IPO5: variants seen among roughly 807,000 people sequenced by gnomAD.
IPO5 encodes importin 5.
In IPO5, 18 loss-of-function variants were observed where a neutral mutation model predicts 143.3. That is an observed-to-expected ratio of 0.13 (90% CI 0.09 to 0.19). The LOEUF is 0.19. IPO5 is among the 10% of genes least tolerant of loss of function. IPO5 has a pLI of 1.00. For synonymous variants in IPO5, 477 were observed against 465.7 expected, an observed-to-expected ratio of 1.02 and a Z score of -0.31; for missense variants, 1,013 against 1,336.9, an observed-to-expected ratio of 0.76 and a Z score of 3.78.
intron 25 of IPO5, among the ~76,000 whole-genome samples, chr13:98,017,826 T>G (rs948018006): frequency 6.6e-6 from 1 of 151,674 alleles, no homozygotes; most frequent in Non-Finnish European, 1.5e-5. Flanking sequence ...GTATTTTTAG[T>G]TGTGTTTTTT....
intron 25 of IPO5, among the ~76,000 whole-genome samples, chr13:98,017,289 A>G (rs908891306): frequency 6.6e-6 from 1 of 150,688 alleles, no homozygotes; most frequent in African/African-American, 2.4e-5. Context: ...TCACCCTTAT[A>G]TTTGATTTTT....
Position 98,002,674 on chromosome 13 carries a change from C to T in IPO5, c.1234-10C>T, listed in dbSNP as rs778938920. ...TCTTGCTTTTACTAATGAAAGGGAA[C>T]ATTTTCCAGCATCCAAGAGTAAGGT... is the stretch of plus-strand genomic sequence containing the variant. On this transcript the variant is annotated splice_polypyrimidine_tract_variant and intron_variant, in intron 14 of 28. Transcript: ENST00000651721. 3.7e-6 allele frequency: 6 copies of T among 1,606,944 alleles called. No individual in the cohort carries two copies. In the Middle Eastern group the frequency reaches 5.0e-4, roughly 134 times the overall value.
At chr13:98,004,403 C>CGAAGGCAGACCGAGGTGGACCCAAGTT (rs1889046516) in intron 16 of IPO5, among the ~76,000 whole-genome samples, 1 of 152,100 alleles carries the variant, frequency 6.6e-6, no homozygotes, top group Non-Finnish European at 1.5e-5. Flanking sequence ...TTCGTGTGCC[C>CGAAGGCAGACCGAGGTGGACCCAAGTT]GAAGGCAGAC....
chr13:97,961,136 A>AT (rs553599673), intron 2 of IPO5, among the ~76,000 whole-genome samples: 34 of 152,326 alleles, frequency 2.2e-4, no homozygotes, highest in African/African-American at 8.2e-4. Context: ...AGGTTCACTC[A>AT]TGTTGTTACA....
intron 3 of IPO5, among the ~76,000 whole-genome samples, chr13:97,970,569 T>C (rs1213109856): frequency 6.6e-6 from 1 of 151,878 alleles, no homozygotes; most frequent in Non-Finnish European, 1.5e-5. Flanking sequence ...TGCAGTGAGC[T>C]GAAATCGTGC....
chr13:98,002,700 A>G lies in IPO5; in HGVS notation c.1250A>G (p.Tyr417Cys). The G allele has an allele frequency of 6.2e-7, 1 of 1,612,084 alleles. No homozygotes were observed. Among genetic ancestry groups the G allele is most frequent in the Non-Finnish European group, 8.5e-7 (1 of 1,179,170 alleles). ...FLQDPHPRVR[Y>C]AACNAVGQMA... The stretch of plus-strand genomic sequence containing the variant: ...ATTTTCCAGCATCCAAGAGTAAGGT[A>G]TGCAGCCTGTAATGCCGTGGGACAG... Residue 417 changes from tyrosine to cysteine, a missense_variant, in exon 15 of 29, where the codon TAT becomes TGT. Tyr to Cys is a radical substitution (Grantham distance 194, BLOSUM62 -2). Around this residue, in one of 2 missense-constraint regions of IPO5, gnomAD observed 685 missense variants for 994.9 expected, o/e 0.69. Coordinates refer to ENST00000651721, the MANE Select transcript of IPO5 (RefSeq NM_002271.6).
At chr13:98,001,872 C>G (rs1409879027) in intron 13 of IPO5, 5 of 152,216 alleles carry the variant, frequency 3.3e-5, no homozygotes, top group African/African-American at 1.2e-4. Flanking sequence ...CCTCAACCTC[C>G]CAAAGTGCTG....
chr13:98,010,793 T>TTTTTTTTTTTC (rs1192668556), intron 20 of IPO5, among the ~76,000 whole-genome samples: 1 of 137,710 alleles, frequency 7.3e-6, no homozygotes, highest in Non-Finnish European at 1.5e-5. Flanking sequence ...TTTTTTTTTT[T>TTTTTTTTTTTC]TTTTTGAGGT....
In IPO5 at chr13:97,975,963, G is replaced by A. The variant is rs1454615120; in HGVS notation, c.-4-730G>A. On this transcript the variant is annotated intron_variant, in intron 3 of 28. Coordinates refer to ENST00000651721, the MANE Select transcript of IPO5 (RefSeq NM_002271.6). Reference sequence around the variant, plus strand: ...TGAGTCCACAGCCCTGGGGGAGGTCGGAGGGTCTGAAAGCGAGAAGTCCGT... The same window carrying A: ...TGAGTCCACAGCCCTGGGGGAGGTCAGAGGGTCTGAAAGCGAGAAGTCCGT... The A allele has an allele frequency of 1.4e-5, 14 of 985,580 alleles. No individual in the cohort carries two copies. The African/African-American group carries it at 2.3e-4, about 16-fold the overall frequency. The allele number at this position is 985,580 out of a possible 1,614,324, so 61.1% of individuals were successfully genotyped here. A position where few individuals can be genotyped will look rare whatever the true frequency, so the allele number is the denominator to read the frequency against.
chr13:97,956,493 T>C (rs1884471902), intron 2 of IPO5, among the ~76,000 whole-genome samples: 1 of 152,222 alleles, frequency 6.6e-6, no homozygotes, highest in African/African-American at 2.4e-5. Flanking sequence ...CATTGTTGGA[T>C]CTCACCCTTA....
intron 3 of IPO5, among the ~76,000 whole-genome samples, chr13:97,974,981 G>T (rs773706297): frequency 6.4e-4 from 97 of 152,180 alleles, no homozygotes; most frequent in Non-Finnish European, 1.1e-3. Flanking sequence ...AAACACAGTG[G>T]CCAAGATTTA....
intron 28 of IPO5, chr13:98,021,345 C>T (rs1346053813): frequency 7.4e-6 from 3 of 407,764 alleles, no homozygotes; most frequent in Non-Finnish European, 1.3e-5. Context: ...CATCTTAGGA[C>T]ATTTTGAGCT....
chr13:98,003,729 A>G (rs1467988605), intron 16 of IPO5, among the ~76,000 whole-genome samples: 3 of 152,008 alleles, frequency 2.0e-5, no homozygotes, highest in Admixed American at 6.6e-5. Context: ...CACGCCTGTA[A>G]TTCCAGCTAC....
rs779531663 is a variant in IPO5, at chr13:98,019,709, G to A, written c.2965G>A (p.Val989Ile). Residue 989 changes from valine (V) to isoleucine (I), a missense_variant, in exon 27 of 29, where the codon GTT (valine) becomes ATT (isoleucine). Val to Ile is a conservative substitution (Grantham distance 29). Coordinates refer to ENST00000651721, the MANE Select transcript of IPO5 (RefSeq NM_002271.6). ...IMKFKPDCVNVEEVLPHWLSW... is the reference protein window; with the variant it reads ...IMKFKPDCVNIEEVLPHWLSW... Reference sequence around the variant, plus strand: ...GAAGTTCAAGCCTGACTGTGTAAACGTTGAAGAGGTCCTTCCACACTGGTT... The same window carrying A: ...GAAGTTCAAGCCTGACTGTGTAAACATTGAAGAGGTCCTTCCACACTGGTT... The A allele has an allele frequency of 1.4e-5, 22 of 1,613,906 alleles. No individual in the cohort carries two copies. In the East Asian group the frequency reaches 2.9e-4, roughly 21 times the overall value.
intron 6 of IPO5, chr13:97,988,038 T>C (rs1436166843): frequency 3.7e-6 from 1 of 270,628 alleles, no homozygotes; most frequent in Non-Finnish European, 8.2e-6. Context: ...AGCAGCACAA[T>C]TGTCATTTCA....
intron 9 of IPO5, among the ~76,000 whole-genome samples, chr13:97,992,077 C>A (rs1887850813): frequency 6.6e-6 from 1 of 152,176 alleles, no homozygotes; most frequent in Admixed American, 6.5e-5. Flanking sequence ...AGTGAAACTT[C>A]TCTCCCCCTG....
intron 2 of IPO5, among the ~76,000 whole-genome samples, chr13:97,959,907 C>A (rs1237284631): frequency 1.3e-5 from 2 of 152,206 alleles, no homozygotes; most frequent in Non-Finnish European, 2.9e-5. Flanking sequence ...GGAACCCTGT[C>A]CGCATGCTCA....
intron 11 of IPO5, among the ~76,000 whole-genome samples, chr13:97,995,402 T>C (rs563341939): frequency 2.6e-5 from 4 of 152,034 alleles, no homozygotes; most frequent in African/African-American, 4.8e-5. Flanking sequence ...CTCCCACTTA[T>C]GAGTTGAGAA....
At position 98,018,493 on chromosome 13, in the gene IPO5, T is replaced by G; in HGVS notation, c.2625T>G (p.His875Gln). The change falls in exon 26 of 29, where the codon CAT becomes CAG. Residue 875 changes from histidine (H) to glutamine (Q), a missense_variant. This residue lies in a region of IPO5 where 685 missense variants were observed against 994.9 expected (regional missense o/e 0.69). Transcript: ENST00000651721. ...GAGAATTTCTTTTGTAGTGTCCACA[T>G]AGACCATGGCCAGACAGACAATGGG... The part of the protein sequence containing the change: ...LPLIVNLICP[H>Q]RPWPDRQWGL... 6.2e-7 allele frequency: 1 copy of G among 1,612,782 alleles called. No homozygotes were observed. Among genetic ancestry groups the G allele is most frequent in the Non-Finnish European group, 8.5e-7 (1 of 1,178,838 alleles).
Sources: gnomAD v4.1 joint callset for allele counts (sites outside exome capture counted in the v4.1 genomes callset) on GRCh38, gnomAD v4.1.1 for gene constraint, gnomAD v4.1.1 regional missense constraint, MANE v1.5 for transcripts, NCBI Gene and HGNC (gene_info 2026-07-23, HGNC 2026-07-21) for gene names.